Variants in FAM168A observed in about 807,000 individuals in gnomAD.
FAM168A encodes the protein protein FAM168A.
FAM168A carries 3 observed loss-of-function variants against 28.5 expected under a neutral mutation model. The observed-to-expected ratio is 0.11, with a 90% CI of 0.05 to 0.27. FAM168A has a LOEUF of 0.27. FAM168A is among the 10% of genes least tolerant of loss of function. The pLI is 1.00. For missense variants in FAM168A, 222 were observed against 311.5 expected (o/e 0.71, Z 2.16); for synonymous variants, 122 against 124.2 (o/e 0.98, Z 0.12).
intron 2 of FAM168A, among the ~76,000 whole-genome samples, chr11:73,436,870 T>C (rs1280696708): frequency 6.6e-6 from 1 of 152,186 alleles, no homozygotes; most frequent in Non-Finnish European, 1.5e-5. Context: ...AGGAAATTAC[T>C]CTGGAGAGTC....
rs1866424510 is a variant in FAM168A at position 73,402,162 on chromosome 11, GAGAAT to G, written c.*4596_*4600del. The G allele has an allele frequency of 6.6e-6, 1 of 152,248 alleles. No individual in the cohort carries two copies. The highest frequency in any genetic ancestry group is 1.5e-5 in the Non-Finnish European group (1 of 68,064). 9.4% of individuals were successfully genotyped at this position (152,248 alleles called of 1,614,324 possible). ...GGCCGCACAGCCAGTAGTGATGTGGGAGAATACAGGATGGAAAAGCAGACTTCCAC... is the reference window on the plus strand; with the variant it reads ...GGCCGCACAGCCAGTAGTGATGTGGGACAGGATGGAAAAGCAGACTTCCAC... On this transcript the variant is annotated 3_prime_UTR_variant, in exon 8 of 8. Transcript: ENST00000356467.
chr11:73,586,574 G>T (rs1041501097), intron 1 of FAM168A, among the ~76,000 whole-genome samples: 8 of 152,262 alleles, frequency 5.3e-5, no homozygotes, highest in African/African-American at 1.9e-4. Context: ...CAGAACAAAG[G>T]TTCCAGGCTA....
At chr11:73,468,337 G>A (rs1867767029) in intron 2 of FAM168A, 68 bp downstream of exon 2, 1 of 1,458,724 alleles carries the variant, frequency 6.9e-7, no homozygotes, top group East Asian at 2.3e-5. Context: ...TTAGGAGGAG[G>A]AGCAAGTTAT....
intron 2 of FAM168A, among the ~76,000 whole-genome samples, chr11:73,438,411 G>A (rs1172707456): frequency 6.6e-6 from 1 of 152,072 alleles, no homozygotes. Context: ...GTCAAGGTGC[G>A]GAGGGGGCAG....
At chr11:73,417,453 G>A (rs1430871865) in intron 4 of FAM168A, among the ~76,000 whole-genome samples, 2 of 152,078 alleles carry the variant, frequency 1.3e-5, no homozygotes, top group Admixed American at 6.5e-5. Context: ...AGATGTAAGA[G>A]AGAACATGTA....
intron 2 of FAM168A, among the ~76,000 whole-genome samples, chr11:73,432,573 T>C (rs1400583294): frequency 6.6e-6 from 1 of 152,166 alleles, no homozygotes; most frequent in Non-Finnish European, 1.5e-5. Context: ...GCTATCTGTA[T>C]ATCCTCTCTG....
At chr11:73,568,939 C>G (rs1944054651) in intron 1 of FAM168A, among the ~76,000 whole-genome samples, 1 of 152,006 alleles carries the variant, frequency 6.6e-6, no homozygotes, top group African/African-American at 2.4e-5. Context: ...ACTGTCATAT[C>G]TTATTTATAT....
chr11:73,594,814 C>A (rs1145656), intron 1 of FAM168A, among the ~76,000 whole-genome samples: 114,221 of 152,112 alleles, frequency 0.75, 44,491 homozygotes, highest in East Asian at 0.96. Context: ...CTGGCGTGAG[C>A]CACCACGCCT....
chr11:73,521,699 C>G (rs1943382465), intron 1 of FAM168A, among the ~76,000 whole-genome samples: 1 of 152,092 alleles, frequency 6.6e-6, no homozygotes, highest in Non-Finnish European at 1.5e-5. Context: ...ATGGTAATAA[C>G]AACGGGGAAG....
intron 1 of FAM168A, among the ~76,000 whole-genome samples, chr11:73,543,623 T>C (rs1716449917): frequency 6.6e-6 from 1 of 152,154 alleles, no homozygotes; most frequent in African/African-American, 2.4e-5. Flanking sequence ...ACAGACTGAA[T>C]ATTCTTTGAA....
chr11:73,572,303 C>T (rs1266819163), intron 1 of FAM168A, among the ~76,000 whole-genome samples: 7 of 152,108 alleles, frequency 4.6e-5, no homozygotes, highest in African/African-American at 1.4e-4. Flanking sequence ...AGGTGAGGGG[C>T]GCCTCTGCCT....
In FAM168A at chr11:73,521,055, G is replaced by T. The variant is rs541963302; in HGVS notation, c.-18-52563C>A. ...CCAGTAGGTTCCAAGTGATAAATGA[G>T]CTGATAAAGTTTCATTGTGATAAAA... On this transcript the variant is annotated intron_variant, in intron 1 of 7. Coordinates refer to ENST00000356467, the MANE Select transcript of FAM168A (RefSeq NM_015159.3). 9.9e-5 allele frequency among the ~76,000 whole-genome samples: 15 copies of T among 152,276 alleles called. No individual in the cohort carries two copies. In the South Asian group the frequency reaches 3.1e-3, roughly 32 times the overall value.
At chr11:73,418,820 T>C (rs574512042) in intron 4 of FAM168A, among the ~76,000 whole-genome samples, 1 of 152,024 alleles carries the variant, frequency 6.6e-6, no homozygotes, top group Non-Finnish European at 1.5e-5. Context: ...TTTTTTTTTT[T>C]TTTTTTGAGA....
chr11:73,569,358 G>A (rs1944059158), intron 1 of FAM168A, among the ~76,000 whole-genome samples: 1 of 152,160 alleles, frequency 6.6e-6, no homozygotes, highest in Non-Finnish European at 1.5e-5. Context: ...ACACACAGCG[G>A]TCTTATCCAC....
intron 4 of FAM168A, among the ~76,000 whole-genome samples, chr11:73,413,466 TGTG>T (rs780320886): frequency 1.7e-3 from 261 of 152,248 alleles, no homozygotes; most frequent in Non-Finnish European, 2.8e-3. Context: ...AATGATGAAA[TGTG>T]GTCATAGGAG....
chr11:73,484,626 A>ATCTATCTATATATC (rs1868023339), intron 1 of FAM168A, among the ~76,000 whole-genome samples: 1 of 124,424 alleles, frequency 8.0e-6, no homozygotes, highest in African/African-American at 2.9e-5. Flanking sequence ...ATCTATATAT[A>ATCTATCTATATATC]GATATCTATA....
chr11:73,543,013 T>C (rs909739542), intron 1 of FAM168A, among the ~76,000 whole-genome samples: 2 of 152,178 alleles, frequency 1.3e-5, no homozygotes, highest in African/African-American at 4.8e-5. Context: ...CAATATGACT[T>C]GCTCCTTTAT....
intron 6 of FAM168A, 87 bp downstream of exon 6, chr11:73,409,400 C>T (rs1866566820): frequency 6.5e-7 from 1 of 1,550,100 alleles, no homozygotes; most frequent in Non-Finnish European, 8.8e-7. Flanking sequence ...TTGTGCTGTG[C>T]TGCAGCCAAT....
At chr11:73,582,133 T>C (rs1255255596) in intron 1 of FAM168A, among the ~76,000 whole-genome samples, 1 of 152,170 alleles carries the variant, frequency 6.6e-6, no homozygotes, top group Non-Finnish European at 1.5e-5. Flanking sequence ...CTGATATCCA[T>C]GTTGACTAAA....
Sources: gnomAD v4.1 joint callset for allele counts (sites outside exome capture counted in the v4.1 genomes callset) on GRCh38, gnomAD v4.1.1 for gene constraint, MANE v1.5 for transcripts, NCBI Gene and HGNC (gene_info 2026-07-23, HGNC 2026-07-21) for gene names.